Variants in ITGAX observed in about 807,000 individuals in gnomAD.
The protein encoded by ITGAX is integrin alpha-X.
ITGAX carries 99 observed loss-of-function variants against 140.2 expected under a neutral mutation model. The observed-to-expected ratio is 0.71, with a 90% CI of 0.60 to 0.83. The LOEUF is 0.83. ITGAX is among the 40% of genes least tolerant of loss of function. The pLI, the probability that ITGAX is intolerant of heterozygous loss-of-function variation, is 0.00. For synonymous variants in ITGAX, 631 were observed against 600.4 expected (o/e 1.05, Z -0.75); for missense variants, 1,444 against 1,482.0 (o/e 0.97, Z 0.42).
chr16:31,359,328 C>T (rs1010216447), intron 5 of ITGAX, among the ~76,000 whole-genome samples: 1 of 152,016 alleles, frequency 6.6e-6, no homozygotes, highest in Non-Finnish European at 1.5e-5. Flanking sequence ...ACCACACCCA[C>T]CTAATTTTTG....
chr16:31,381,091 AG>A, intron 29 of ITGAX, 84 bp downstream of exon 29: 1 of 1,069,270 alleles, frequency 9.4e-7, no homozygotes, highest in East Asian at 2.4e-5. Flanking sequence ...CTTTGAAGGC[AG>A]AGGCACATTC....
rs1221834165 is a variant in ITGAX at position 31,381,926 on chromosome 16, C to A, written c.*19C>A. ...GAAATGATCCCCTCTTTGCCTTGGA[C>A]TTCTTCTCCCCCGCGAGTTTTCCCC... On this transcript the variant is annotated 3_prime_UTR_variant, in exon 30 of 30. Transcript: ENST00000268296. The A allele has an allele frequency of 2.9e-6, 3 of 1,038,888 alleles. No individual in the cohort carries two copies. The highest frequency in any genetic ancestry group is 3.1e-5 in the African/African-American group (2 of 64,236). The allele number at this position is 1,038,888 out of a possible 1,614,324, so 64.4% of individuals were successfully genotyped here. A position where few individuals can be genotyped will look rare whatever the true frequency, so the allele number is the denominator to read the frequency against.
intron 29 of ITGAX, among the ~76,000 whole-genome samples, 165 bp downstream of exon 29, chr16:31,381,172 T>G (rs185941551): frequency 1.3e-5 from 2 of 152,196 alleles, no homozygotes; most frequent in African/African-American, 4.8e-5. Flanking sequence ...GGCCCCCTGC[T>G]TTGTGATTCC....
chr16:31,379,057 C>T (rs144932149), intron 23 of ITGAX, among the ~76,000 whole-genome samples: 1,578 of 152,212 alleles, frequency 0.01, 8 homozygotes, highest in Admixed American at 0.012. Flanking sequence ...CTCAGGTGAT[C>T]TGCCTGTCTC....
Position 31,381,792 on chromosome 16 carries a change from C to T in ITGAX, c.3388-11C>T. 1 of 871,630 alleles carries T rather than the reference C, an allele frequency of 1.1e-6. No individual in the cohort carries two copies. The highest frequency in any genetic ancestry group is 2.0e-6 in the Non-Finnish European group (1 of 500,960). The allele number at this position is 871,630 out of a possible 1,614,324, so 54.0% of individuals were successfully genotyped here. On this transcript the variant is annotated splice_polypyrimidine_tract_variant and intron_variant, in intron 29 of 29. Transcript: ENST00000268296. ...GGGCTTCCTGAGTTTCTTCTTCGTC[C>T]TCCCCCCTAGGTTGGCTTCTTCAAG... is the stretch of plus-strand genomic sequence containing the variant.
At position 31,382,545 on chromosome 16, in the gene ITGAX, T is replaced by G; in HGVS notation, c.*638T>G. On this transcript the variant is annotated 3_prime_UTR_variant, in exon 30 of 30. Transcript: ENST00000268296. ...TCCCCTTCCATCCCAGAGGGTGGGC[T>G]TCAGGGCGCACAGCATGAGAGGCTC... 9.7e-7 allele frequency: 1 copy of G among 1,028,862 alleles called. No individual in the cohort carries two copies. The highest frequency in any genetic ancestry group is 2.6e-5 in the East Asian group (1 of 38,634). The allele number at this position is 1,028,862 out of a possible 1,614,324, so 63.7% of individuals were successfully genotyped here.
At position 31,372,365 on chromosome 16, in the gene ITGAX, G is replaced by C. The variant is rs201176761; in HGVS notation, c.2161-13G>C. 1 of 1,590,568 alleles carries C rather than the reference G, an allele frequency of 6.3e-7. No homozygotes were observed. Among genetic ancestry groups the C allele is most frequent in the Non-Finnish European group, 8.5e-7 (1 of 1,174,136 alleles). ...CCCCTTACCCTCCGCTCCCCGCGAC[G>C]CCCGTCCCCCAGAGCTGCGTGGAGG... On this transcript the variant is annotated splice_polypyrimidine_tract_variant and intron_variant, in intron 17 of 29. Transcript: ENST00000268296.
chr16:31,376,109 G>C (rs1467457662), intron 20 of ITGAX, among the ~76,000 whole-genome samples: 1 of 152,192 alleles, frequency 6.6e-6, no homozygotes, highest in Admixed American at 6.5e-5. Flanking sequence ...TGTTCAGAAA[G>C]AGAACATAGC....
chr16:31,360,935 C>G (rs573888461), intron 8 of ITGAX, 128 bp from the exon 9 acceptor site: 1 of 876,202 alleles, frequency 1.1e-6, no homozygotes. Flanking sequence ...GTCCGGGCTT[C>G]GTGTTTCTCC....
chr16:31,370,641 C>T (rs1176030477), intron 14 of ITGAX, among the ~76,000 whole-genome samples: 1 of 152,144 alleles, frequency 6.6e-6, no homozygotes, highest in Non-Finnish European at 1.5e-5. Flanking sequence ...CCTTAATACT[C>T]ATTGTGATAT....
rs752352011 is a variant in ITGAX, at chr16:31,363,204, C to A, written c.1540C>A (p.Gln514Lys). 6.2e-7 allele frequency: 1 copy of A among 1,612,460 alleles called. No individual in the cohort carries two copies. The highest frequency in any genetic ancestry group is 8.5e-7 in the Non-Finnish European group (1 of 1,179,272). ...GTGTGATGCTGTTCTCTACGGGGAG[C>A]AGGGCCACCCCTGGGGTCGCTTTGG... is the stretch of plus-strand genomic sequence containing the variant. ...WWCDAVLYGE[Q>K]GHPWGRFGAA... Residue 514 changes from glutamine to lysine, a missense_variant, in exon 14 of 30, where the codon CAG becomes AAG. Transcript: ENST00000268296.
rs1461850453 is a variant in ITGAX, at chr16:31,362,983, G to A, written c.1408G>A (p.Asp470Asn). 3.1e-6 allele frequency: 5 copies of A among 1,611,892 alleles called. No individual in the cohort carries two copies. The highest frequency in any genetic ancestry group is 2.2e-5 in the East Asian group (1 of 44,848). The change falls in exon 13 of 30, where the codon GAC becomes AAC. Residue 470 changes from aspartate (D) to asparagine (N), a missense_variant. Coordinates refer to ENST00000268296, the MANE Select transcript of ITGAX (RefSeq NM_000887.5). ...ASLCSVDVDSDGSTDLVLIGA... is the reference protein window; with the variant it reads ...ASLCSVDVDSNGSTDLVLIGA... ...CCTCTGCTCCGTGGACGTAGACAGC[G>A]ACGGCAGCACCGACCTGGTCCTCAT...
rs1373510144 is a variant in ITGAX at position 31,362,718 on chromosome 16, C to A, written c.1324C>A (p.Gln442Lys). The A allele has an allele frequency of 8.7e-6, 14 of 1,613,802 alleles. No homozygotes were observed. The highest frequency in any genetic ancestry group is 1.2e-5 in the Non-Finnish European group (14 of 1,179,882). ...TGTCATCTTCACCCAGGTGTCCAGG[C>A]AATGGAGGATGAAGGCCGAAGTCAC... ...KAVIFTQVSR[Q>K]WRMKAEVTGT... Residue 442 changes from glutamine (Q) to lysine (K), a missense_variant, in exon 12 of 30, where the codon CAA (glutamine) becomes AAA (lysine). Gln to Lys is a moderately conservative substitution (Grantham distance 53). Coordinates refer to ENST00000268296, the MANE Select transcript of ITGAX (RefSeq NM_000887.5).
At chr16:31,355,412 T>A (rs1233494632) in intron 1 of ITGAX, 121 bp downstream of exon 1, 4 of 1,048,460 alleles carry the variant, frequency 3.8e-6, no homozygotes, top group Non-Finnish European at 5.7e-6. Context: ...CAGTCAAGCC[T>A]GAGGGGGAGG....
chr16:31,373,101 AAAGAAG>A (rs146920512), intron 19 of ITGAX, 142 bp from the exon 20 acceptor site: 110,785 of 476,372 alleles, frequency 0.23, 14,023 homozygotes, highest in South Asian at 0.34. Flanking sequence ...TCTTAAAAAA[AAAGAAG>A]AAGAAGAAGA....
chr16:31,380,229 C>T (rs375976482), intron 26 of ITGAX, 37 bp from the exon 27 acceptor site: 22 of 1,599,532 alleles, frequency 1.4e-5, no homozygotes, highest in Non-Finnish European at 1.7e-5. Context: ...CCTTCACACT[C>T]ATCTTTCTCA....
chr16:31,356,035 A>T, intron 2 of ITGAX, 37 bp downstream of exon 2: 1 of 1,464,010 alleles, frequency 6.8e-7, no homozygotes, highest in Non-Finnish European at 9.5e-7. Flanking sequence ...GGCTCCATCC[A>T]TCCTCTCCCT....
intron 9 of ITGAX, 114 bp downstream of exon 9, chr16:31,361,327 CG>C: frequency 8.4e-7 from 1 of 1,191,984 alleles, no homozygotes; most frequent in Non-Finnish European, 1.2e-6. Context: ...CCTGCTTTCC[CG>C]GGACCCCGAT....
At chr16:31,372,245 A>G (rs929407735) in intron 17 of ITGAX, 133 bp from the exon 18 acceptor site, 17 of 1,003,030 alleles carry the variant, frequency 1.7e-5, no homozygotes, top group Admixed American at 5.2e-5. Context: ...GAAGGCGGTG[A>G]CGCTGAGCAG....
Sources: gnomAD v4.1 joint callset for allele counts (sites outside exome capture counted in the v4.1 genomes callset) on GRCh38, gnomAD v4.1.1 for gene constraint, MANE v1.5 for transcripts, NCBI Gene and HGNC (gene_info 2026-07-23, HGNC 2026-07-21) for gene names.